The following BTN3A1 variants were observed in gnomAD, a reference collection of about 807,000 sequenced individuals.
BTN3A1 encodes the protein butyrophilin subfamily 3 member A1.
Under a neutral mutation model 43.0 loss-of-function variants are expected in BTN3A1, and 24 were observed. The ratio of observed to expected loss-of-function variants is 0.56; its 90% CI spans 0.40 to 0.78. BTN3A1 has a LOEUF of 0.78. BTN3A1 is among the 30% of genes least tolerant of loss of function. The pLI is 0.00. For synonymous variants in BTN3A1, 181 were observed against 234.7 expected (o/e 0.77, Z 2.09); for missense variants, 533 against 626.2 (o/e 0.85, Z 1.59).
intron 9 of BTN3A1, 93 bp from the exon 10 acceptor site, chr6:26,413,076 A>G (rs1395071537): frequency 6.5e-7 from 1 of 1,529,110 alleles, no homozygotes; most frequent in African/African-American, 1.4e-5. Flanking sequence ...TTGGACTCAG[A>G]CCTCCTCAGC....
At position 26,413,840 on chromosome 6, in the gene BTN3A1, C is replaced by T. The variant is rs1762307648; in HGVS notation, c.*148C>T. The T allele has an allele frequency of 4.7e-6, 7 of 1,479,138 alleles. No individual in the cohort carries two copies. Among genetic ancestry groups the T allele is most frequent in the African/African-American group, 1.4e-5 (1 of 72,228 alleles). 91.6% of individuals were successfully genotyped at this position (1,479,138 alleles called of 1,614,324 possible). ...TCCCTGCCCAGCTCAGAGCTGAGGG[C>T]CTCCCCCTCCACAGCAACCAATCAC... On this transcript the variant is annotated 3_prime_UTR_variant, in exon 10 of 10. Transcript: ENST00000289361.
chr6:26,410,696 A>AAC lies in BTN3A1; in HGVS notation c.965-399_965-398dup, dbSNP rs527998881. Among the ~76,000 whole-genome samples the AAC allele has an allele frequency of 2.1e-4, 31 of 150,644 alleles. No individual in the cohort carries two copies. The East Asian group carries it at 5.4e-3, about 26-fold the overall frequency. On this transcript the variant is annotated intron_variant, in intron 7 of 9. Transcript: ENST00000289361. ...TAGATTGATATAGAAGGATCTTGCA[A>AAC]ACACACACACACACATACACACATT...
In BTN3A1 at chr6:26,405,554, T is replaced by C. The variant is rs776073206; in HGVS notation, c.-10T>C. ...CCCCACCTTCCAGTATCTCCTGATA[T>C]GCAGCATGAATGAAAATGGCAAGTT... On this transcript the variant is annotated 5_prime_UTR_variant, in exon 2 of 10. It removes an upstream start codon present in the reference 5' UTR. Transcript: ENST00000289361. 12 of 1,613,956 alleles carry C rather than the reference T, an allele frequency of 7.4e-6. No homozygotes were observed. Among genetic ancestry groups the C allele is most frequent in the South Asian group, 1.1e-5 (1 of 91,074 alleles).
chr6:26,413,321 A>G lies in BTN3A1; in HGVS notation c.1171A>G (p.Ile391Val), dbSNP rs1762283322. 11 of 1,614,200 alleles carry G rather than the reference A, an allele frequency of 6.8e-6. No individual in the cohort carries two copies. The highest frequency in any genetic ancestry group is 8.5e-6 in the Non-Finnish European group (10 of 1,180,040). The stretch of plus-strand genomic sequence containing the variant: ...TTGTGTTCTCGGCTGTGAGAGCTTC[A>G]TATCAGGGAGACATTACTGGGAGGT... The part of the protein sequence containing the change: ...HYCVLGCESF[I>V]SGRHYWEVEV... The change falls in exon 10 of 10, where the codon ATA becomes GTA. Residue 391 changes from isoleucine (I) to valine (V), a missense_variant. Ile to Val is a conservative substitution (Grantham distance 29, BLOSUM62 3). Around this residue, in one of 4 missense-constraint regions of BTN3A1, gnomAD observed 415 missense variants for 427.0 expected, o/e 0.97. Transcript: ENST00000289361.
intron 9 of BTN3A1, 55 bp downstream of exon 9, chr6:26,411,636 T>C: frequency 6.4e-7 from 1 of 1,573,680 alleles, no homozygotes; most frequent in Non-Finnish European, 8.7e-7. Context: ...CTATATTCCT[T>C]TTTCCTTTTT....
In BTN3A1 at chr6:26,413,870, A is replaced by G. The variant is rs1307091578; in HGVS notation, c.*178A>G. 8 of 1,216,266 alleles carry G rather than the reference A, an allele frequency of 6.6e-6. No homozygotes were observed. The African/African-American group carries it at 9.0e-5, about 14-fold the overall frequency. The allele number at this position is 1,216,266 out of a possible 1,614,324, so 75.3% of individuals were successfully genotyped here. A position where few individuals can be genotyped will look rare whatever the true frequency, so the allele number is the denominator to read the frequency against. Reference sequence around the variant, plus strand: ...CCCTCCACAGCAACCAATCACAACCATAAAGCTACAAGCACGCACTGAAGC... The same window carrying G: ...CCCTCCACAGCAACCAATCACAACCGTAAAGCTACAAGCACGCACTGAAGC... On this transcript the variant is annotated 3_prime_UTR_variant, in exon 10 of 10. Coordinates refer to ENST00000289361, the MANE Select transcript of BTN3A1 (RefSeq NM_007048.6).
In BTN3A1 at chr6:26,415,012, G is replaced by A. The variant is rs1762339056; in HGVS notation, c.*1320G>A. On this transcript the variant is annotated 3_prime_UTR_variant, in exon 10 of 10. Transcript: ENST00000289361. ...ACAGGGATATTTTTAATCCCGTTAT[G>A]GACTCTGTCTCCAGGAGAGGGGTCT... 3 of 152,042 alleles carry A rather than the reference G, an allele frequency of 2.0e-5. No homozygotes were observed. 9.4% of individuals were successfully genotyped at this position (152,042 alleles called of 1,614,324 possible).
rs1170183887 is a variant in BTN3A1, at chr6:26,411,000, T to TAAAAAAAAAAAAAA, written c.965-99_965-86dup. 163 of 359,618 alleles carry TAAAAAAAAAAAAAA rather than the reference T, an allele frequency of 4.5e-4. 2 individuals are homozygous for TAAAAAAAAAAAAAA. The highest frequency in any genetic ancestry group is 1.1e-3 in the South Asian group (23 of 21,412). The allele number at this position is 359,618 out of a possible 1,614,324, so 22.3% of individuals were successfully genotyped here. On this transcript the variant is annotated intron_variant, in intron 7 of 9. Transcript: ENST00000289361. ...CTGCAGAGGAGGAAGATACAGGTGG[T>TAAAAAAAAAAAAAA]AAAAAAAAAAAAAAAAAAAAAAAGA...
At position 26,407,708 on chromosome 6, in the gene BTN3A1, C is replaced by T. The variant is rs1207557573; in HGVS notation, c.471C>T (p.Tyr157=). The T allele has an allele frequency of 4.3e-6, 7 of 1,614,198 alleles. No individual in the cohort carries two copies. The highest frequency in any genetic ancestry group is 5.9e-6 in the Non-Finnish European group (7 of 1,180,044). The change falls in exon 4 of 10, where the codon TAC becomes TAT. Residue 157 remains tyrosine, a synonymous_variant. Coordinates refer to ENST00000289361, the MANE Select transcript of BTN3A1 (RefSeq NM_007048.6). ...GSDLHVDVKG[Y]KDGGIHLECR... is the part of the protein sequence containing the mutation. ...ATCTTCACGTTGATGTGAAGGGTTA[C>T]AAGGATGGAGGGATCCATCTGGAGT...
chr6:26,413,680 T>C lies in BTN3A1; in HGVS notation c.1530T>C (p.Ile510=). The C allele has an allele frequency of 6.2e-7, 1 of 1,613,040 alleles. No homozygotes were observed. Among genetic ancestry groups the C allele is most frequent in the Non-Finnish European group, 8.5e-7 (1 of 1,179,638 alleles). Residue 510 remains isoleucine, a synonymous_variant, in exon 10 of 10, where the codon ATT becomes ATC. Transcript: ENST00000289361. ...ILTLEPTALT[I]CPA The stretch of plus-strand genomic sequence containing the variant: ...CCTTGGAGCCCACGGCCCTGACTAT[T>C]TGTCCAGCGTGAAAAGAAGAAGAGA...
chr6:26,413,127 A>T, intron 9 of BTN3A1, 42 bp from the exon 10 acceptor site: 1 of 1,568,476 alleles, frequency 6.4e-7, no homozygotes, highest in Non-Finnish European at 8.6e-7. Flanking sequence ...AAATCCAGGA[A>T]AAATGGTTGA....
intron 7 of BTN3A1, 69 bp from the exon 8 acceptor site, chr6:26,411,040 A>C (rs1204944838): frequency 2.8e-5 from 31 of 1,121,682 alleles, no homozygotes; most frequent in Non-Finnish European, 4.0e-5. Context: ...ATGGATGTAA[A>C]GTTAAGGGAA....
chr6:26,409,548 G>A lies in BTN3A1; in HGVS notation c.731G>A (p.Ser244Asn). The A allele has an allele frequency of 6.2e-7, 1 of 1,613,864 alleles. No individual in the cohort carries two copies. Among genetic ancestry groups the A allele is most frequent in the Non-Finnish European group, 8.5e-7 (1 of 1,180,018 alleles). Reference protein sequence around the residue: ...SISIADPFFRSAQRWIAALAG... With the variant: ...SISIADPFFRNAQRWIAALAG... ...GCCTTCACAGACCCCTTCTTCAGGAGCGCCCAGAGGTGGATCGCCGCCCTG... is the reference window on the plus strand; with the variant it reads ...GCCTTCACAGACCCCTTCTTCAGGAACGCCCAGAGGTGGATCGCCGCCCTG... The change falls in exon 5 of 10, where the codon AGC becomes AAC. Residue 244 changes from serine (S) to asparagine (N), a missense_variant. This residue lies in a region of BTN3A1 where 415 missense variants were observed against 427.0 expected (regional missense o/e 0.97). Transcript: ENST00000289361.
At chr6:26,403,968 A>G (rs1032703062) in intron 1 of BTN3A1, among the ~76,000 whole-genome samples, 4 of 152,158 alleles carry the variant, frequency 2.6e-5, no homozygotes, top group African/African-American at 7.2e-5. Flanking sequence ...TAAAAATGAT[A>G]CCCCCTCTAT....
Position 26,408,033 on chromosome 6 carries a change from A to G in BTN3A1, c.715+81A>G. 13 of 1,576,596 alleles carry G rather than the reference A, an allele frequency of 8.2e-6. No individual in the cohort carries two copies. The South Asian group carries it at 1.4e-4, about 17-fold the overall frequency. ...GGGGGAGGTGTTAGTGTCTGCAGTC[A>G]ACCTGGGTCTCTGCACTGAATATAA... is the stretch of plus-strand genomic sequence containing the variant. On this transcript the variant is annotated intron_variant, in intron 4 of 9. Coordinates refer to ENST00000289361, the MANE Select transcript of BTN3A1 (RefSeq NM_007048.6).
chr6:26,404,962 T>C (rs1219823565), intron 1 of BTN3A1, among the ~76,000 whole-genome samples: 11 of 152,218 alleles, frequency 7.2e-5, no homozygotes, highest in Admixed American at 7.2e-4. Context: ...AATGACTTTA[T>C]GAAGGGAAGA....
At chr6:26,411,059 A>C in intron 7 of BTN3A1, 50 bp from the exon 8 acceptor site, 1 of 1,554,440 alleles carries the variant, frequency 6.4e-7, no homozygotes, top group Non-Finnish European at 8.7e-7. Context: ...AATGGGGCCA[A>C]ATCAAAAATG....
chr6:26,409,544 A>C lies in BTN3A1; in HGVS notation c.727A>C (p.Arg243=). 6.2e-7 allele frequency: 1 copy of C among 1,613,540 alleles called. No individual in the cohort carries two copies. Among genetic ancestry groups the C allele is most frequent in the East Asian group, 2.2e-5 (1 of 44,824 alleles). The part of the protein sequence containing the change: ...ASISIADPFF[R]SAQRWIAALA... ...CGTTGCCTTCACAGACCCCTTCTTC[A>C]GGAGCGCCCAGAGGTGGATCGCCGC... Residue 243 remains arginine (R), a synonymous_variant, in exon 5 of 10, where the codon AGG becomes CGG. Coordinates refer to ENST00000289361, the MANE Select transcript of BTN3A1 (RefSeq NM_007048.6).
intron 9 of BTN3A1, 29 bp from the exon 10 acceptor site, chr6:26,413,140 T>C: frequency 2.5e-6 from 4 of 1,585,966 alleles, no homozygotes; most frequent in Non-Finnish European, 3.4e-6. Context: ...ATGGTTGACC[T>C]CATGGACACT....
Sources: allele counts gnomAD v4.1 joint callset (sites outside exome capture counted in the v4.1 genomes callset), GRCh38; gene constraint gnomAD v4.1.1; regional missense constraint gnomAD v4.1.1; transcripts MANE v1.5; gene names NCBI Gene and HGNC (gene_info 2026-07-23, HGNC 2026-07-21).